Variants in ATG7 observed in about 807,000 individuals in gnomAD.
ATG7 encodes the protein autophagy related 7.
ATG7 carries 70 observed loss-of-function variants against 82.4 expected under a neutral mutation model. The ratio of observed to expected loss-of-function variants is 0.85; its 90% CI spans 0.70 to 1.04. ATG7 has a LOEUF of 1.04. ATG7 is among the 50% of genes least tolerant of loss of function. The pLI is 0.00. For missense variants in ATG7, 792 were observed against 864.3 expected, an observed-to-expected ratio of 0.92 and a Z score of 1.05; for synonymous variants, 287 against 313.0, an observed-to-expected ratio of 0.92 and a Z score of 0.88.
At chr3:11,337,935 C>G (rs1486046862) in intron 11 of ATG7, among the ~76,000 whole-genome samples, 1 of 151,914 alleles carries the variant, frequency 6.6e-6, no homozygotes, top group Non-Finnish European at 1.5e-5. Flanking sequence ...TTGTCAAGTT[C>G]CTTGCTATGT....
intron 20 of ATG7, among the ~76,000 whole-genome samples, chr3:11,502,548 G>T (rs58738615): frequency 0.2 from 30,460 of 150,682 alleles, 3,494 homozygotes; most frequent in South Asian, 0.34. Context: ...TACAAAGGAC[G>T]TGAACTCATC....
At chr3:11,364,248 C>T (rs1047544218) in intron 17 of ATG7, among the ~76,000 whole-genome samples, 1 of 152,198 alleles carries the variant, frequency 6.6e-6, no homozygotes, top group Non-Finnish European at 1.5e-5. Context: ...TTCAAATTTT[C>T]AGTACAGAAA....
chr3:11,475,909 C>A (rs2443719), intron 20 of ATG7, among the ~76,000 whole-genome samples: 2,103 of 104,678 alleles, frequency 0.02, 39 homozygotes, highest in African/African-American at 0.049. Flanking sequence ...ACACACACAC[C>A]CCCTCCCAGA....
intron 20 of ATG7, among the ~76,000 whole-genome samples, chr3:11,482,469 C>T (rs2089117255): frequency 6.6e-6 from 1 of 152,212 alleles, no homozygotes; most frequent in Non-Finnish European, 1.5e-5. Context: ...CTTTGGCCTG[C>T]TGACTCCTTC....
chr3:11,560,769 A>G (rs2072912127), downstream of ATG7, among the ~76,000 whole-genome samples: 1 of 152,158 alleles, frequency 6.6e-6, no homozygotes, highest in Non-Finnish European at 1.5e-5. Flanking sequence ...AGCGGGACAG[A>G]GCTGCCCAGG....
chr3:11,452,899 T>A (rs1229080557), intron 20 of ATG7, among the ~76,000 whole-genome samples: 2 of 152,248 alleles, frequency 1.3e-5, no homozygotes, highest in Non-Finnish European at 2.9e-5. Flanking sequence ...CAGTGTTCAC[T>A]AAGCACCTAT....
At chr3:11,442,811 C>T (rs1009725260) in intron 20 of ATG7, among the ~76,000 whole-genome samples, 79 of 145,060 alleles carry the variant, frequency 5.4e-4, no homozygotes, top group African/African-American at 1.9e-3. Context: ...GTCCCAGCTA[C>T]TTGGGAGGCT....
At chr3:11,538,424 G>C (rs1347074574) in intron 20 of ATG7, among the ~76,000 whole-genome samples, 1 of 150,934 alleles carries the variant, frequency 6.6e-6, no homozygotes, top group African/African-American at 2.4e-5. Flanking sequence ...GTGGATCTCA[G>C]CTCTGCCATT....
At chr3:11,336,912 A>G (rs1334219283) in intron 11 of ATG7, among the ~76,000 whole-genome samples, 3 of 152,026 alleles carry the variant, frequency 2.0e-5, no homozygotes, top group East Asian at 1.9e-4. Context: ...GGCTCAAGCA[A>G]TCCTCTAGCC....
intron 20 of ATG7, among the ~76,000 whole-genome samples, chr3:11,509,125 G>A (rs926593112): frequency 6.6e-6 from 1 of 152,122 alleles, no homozygotes; most frequent in East Asian, 1.9e-4. Flanking sequence ...AAACACCCAG[G>A]TCATGGGTTG....
chr3:11,495,054 A>G (rs1402580961), intron 20 of ATG7, among the ~76,000 whole-genome samples: 2 of 152,062 alleles, frequency 1.3e-5, no homozygotes, highest in Non-Finnish European at 1.5e-5. Flanking sequence ...CCTGGGTGAC[A>G]GAGCAAGAGC....
chr3:11,380,050 A>C lies in ATG7; in HGVS notation c.1954A>C (p.Lys652Gln). The C allele has an allele frequency of 6.2e-7, 1 of 1,613,464 alleles. No homozygotes were observed. Among genetic ancestry groups the C allele is most frequent in the South Asian group, 1.1e-5 (1 of 91,076 alleles). The change falls in exon 19 of 21, where the codon AAA becomes CAA. Residue 652 changes from lysine (K) to glutamine (Q), a missense_variant and splice_region_variant. Physicochemically the swap from Lys to Gln is moderately conservative, Grantham distance 53. Transcript: ENST00000693202. ...AFDKCTACSS[K>Q]VLDQYEREGF... ...TGACAAATGTACAGCTTGTTCTTCC[A>C]AAGTAAGTCATTTTGTATTGGAGGG...
At chr3:11,335,453 A>G (rs755421133) in intron 11 of ATG7, among the ~76,000 whole-genome samples, 2 of 152,170 alleles carry the variant, frequency 1.3e-5, no homozygotes, top group South Asian at 2.1e-4. Context: ...GCCACACTCA[A>G]AGCTGTCCTG....
chr3:11,569,810 G>A, the ATG7 span, among the ~76,000 whole-genome samples: 4 of 152,198 alleles, frequency 2.6e-5, no homozygotes, highest in African/African-American at 7.2e-5. Flanking sequence ...GGGCCCAGGA[G>A]GTGGAGGCTA....
At chr3:11,304,536 AG>A (rs1947398333) in intron 5 of ATG7, 1 of 152,242 alleles carries the variant, frequency 6.6e-6, no homozygotes, top group African/African-American at 2.4e-5. Context: ...CTGTGTGCGA[AG>A]TAGATTCCTC....
downstream of ATG7, among the ~76,000 whole-genome samples, chr3:11,560,872 C>T (rs1199587889): frequency 6.6e-6 from 1 of 152,190 alleles, no homozygotes; most frequent in African/African-American, 2.4e-5. Flanking sequence ...TGCCTGTGGA[C>T]AGGGCCTCGG....
chr3:11,573,335 GAAAGAAAGAAAGAAAGAAAGAAAGAAAGA>G, the ATG7 span, among the ~76,000 whole-genome samples: 2 of 64,078 alleles, frequency 3.1e-5, no homozygotes, highest in Non-Finnish European at 6.7e-5. Flanking sequence ...AAGAAAGAAA[GAAAGAAAGAAAGAAAGAAAGAAAGAAAGA>G]AAGAAAGAAA....
chr3:11,478,986 T>C (rs1383780974), intron 20 of ATG7, among the ~76,000 whole-genome samples: 1 of 78,144 alleles, frequency 1.3e-5, no homozygotes, highest in Non-Finnish European at 3.2e-5. Context: ...CCTGTATATT[T>C]ACAACACACA....
chr3:11,340,834 G>A lies in ATG7; in HGVS notation c.980+99G>A, dbSNP rs1422499681. 22 of 1,064,128 alleles carry A rather than the reference G, an allele frequency of 2.1e-5. No individual in the cohort carries two copies. In the East Asian group the frequency reaches 5.5e-4, roughly 27 times the overall value. 65.9% of individuals were successfully genotyped at this position (1,064,128 alleles called of 1,614,324 possible). A position where few individuals can be genotyped will look rare whatever the true frequency, so the allele number is the denominator to read the frequency against. On this transcript the variant is annotated intron_variant, in intron 12 of 20. Transcript: ENST00000693202. ...CACAACATTGTGTAATTCAGCCCAG[G>A]GGGTGCCAGTCATGCTGCCGTGTGT... is the stretch of plus-strand genomic sequence containing the variant.
Sources: allele counts gnomAD v4.1 joint callset (sites outside exome capture counted in the v4.1 genomes callset), GRCh38; gene constraint gnomAD v4.1.1; transcripts MANE v1.5; gene names NCBI Gene and HGNC (gene_info 2026-07-23, HGNC 2026-07-21).